B4GALNT3: variants seen among roughly 807,000 people sequenced by gnomAD.
B4GALNT3 encodes the protein beta-1,4-N-acetylgalactosaminyltransferase 3.
Under a neutral mutation model 120.2 loss-of-function variants are expected in B4GALNT3, and 86 were observed. That is an observed-to-expected ratio of 0.72 (90% CI 0.60 to 0.86). The LOEUF is 0.86. Among genes scored for constraint, B4GALNT3 ranks in the 40% least tolerant of loss-of-function variants. The pLI is 0.00. For missense variants in B4GALNT3, 1,167 were observed against 1,298.9 expected (o/e 0.90, Z 1.56); for synonymous variants, 518 against 510.4 (o/e 1.01, Z -0.20).
At chr12:495,780 T>G (rs1024096492) in intron 1 of B4GALNT3, among the ~76,000 whole-genome samples, 1 of 152,134 alleles carries the variant, frequency 6.6e-6, no homozygotes, top group African/African-American at 2.4e-5. Flanking sequence ...TTTAGAAAAG[T>G]ATCCCCATGA....
Position 516,753 on chromosome 12 carries a change from T to C in B4GALNT3, c.170-18413T>C, listed in dbSNP as rs576112558. Among the ~76,000 whole-genome samples the C allele has an allele frequency of 2.7e-4, 41 of 152,292 alleles. No homozygotes were observed. The East Asian group carries it at 7.7e-3, about 29-fold the overall frequency. On this transcript the variant is annotated intron_variant, in intron 1 of 19. Coordinates refer to ENST00000266383, the MANE Select transcript of B4GALNT3 (RefSeq NM_173593.4). ...CAAGCAAGGACTGGCATGGCCTGAC[T>C]TACATTTTGGTGGAGTTCCTCTGGC...
intron 1 of B4GALNT3, among the ~76,000 whole-genome samples, chr12:513,133 C>CACCTTCG (rs1309290018): frequency 6.7e-6 from 1 of 148,746 alleles, no homozygotes; most frequent in African/African-American, 2.5e-5. Context: ...TTCCGCCTTC[C>CACCTTCG]ACCTTCCACC....
rs1239084458 is a variant in B4GALNT3 at position 561,476 on chromosome 12, C to T, written c.*25C>T. 6.4e-7 allele frequency: 1 copy of T among 1,551,742 alleles called. No homozygotes were observed. Among genetic ancestry groups the T allele is most frequent in the African/African-American group, 1.4e-5 (1 of 73,872 alleles). On this transcript the variant is annotated 3_prime_UTR_variant, in exon 20 of 20. Coordinates refer to ENST00000266383, the MANE Select transcript of B4GALNT3 (RefSeq NM_173593.4). ...GCCGGAGGGTGTCCGCGGGGCCCAG[C>T]ACTCCCCGCTCTGGACTAGCAGTGG...
chr12:531,639 C>T (rs1020411415), intron 1 of B4GALNT3, among the ~76,000 whole-genome samples: 2 of 151,466 alleles, frequency 1.3e-5, no homozygotes, highest in African/African-American at 4.9e-5. Flanking sequence ...GATCCTGTCT[C>T]TTAAAAAAAG....
At chr12:552,687 T>C in intron 13 of B4GALNT3, 159 bp downstream of exon 13, 1 of 641,628 alleles carries the variant, frequency 1.6e-6, no homozygotes, top group Non-Finnish European at 2.7e-6. Flanking sequence ...AGAGCATGAC[T>C]CCTGCCTTTT....
chr12:539,421 G>C (rs1013461760), intron 3 of B4GALNT3, among the ~76,000 whole-genome samples: 1 of 151,878 alleles, frequency 6.6e-6, no homozygotes, highest in Non-Finnish European at 1.5e-5. Context: ...TCAGATCAAA[G>C]CAAGTGAGAT....
At position 545,724 on chromosome 12, in the gene B4GALNT3, TGTG is replaced by T. The variant is rs529860118; in HGVS notation, c.639+257_639+259del. The stretch of plus-strand genomic sequence containing the variant: ...GAGTGAGGAATGGGGAGGAGCGAGG[TGTG>T]GGGAGGAGCGAGGAGTGGGGAGGAG... On this transcript the variant is annotated intron_variant, in intron 6 of 19. Coordinates refer to ENST00000266383, the MANE Select transcript of B4GALNT3 (RefSeq NM_173593.4). 6.4e-3 allele frequency among the ~76,000 whole-genome samples: 180 copies of T among 28,032 alleles called. 2 individuals carry two copies. The Middle Eastern group carries it at 0.11, about 16-fold the overall frequency. 18.4% of individuals were successfully genotyped at this position (28,032 alleles called of 152,430 possible).
chr12:546,047 G>C (rs1178330463), intron 6 of B4GALNT3, among the ~76,000 whole-genome samples: 7 of 146,058 alleles, frequency 4.8e-5, no homozygotes, highest in African/African-American at 1.8e-4. Flanking sequence ...GTGAGGAGTA[G>C]GGAGGAGTGA....
At chr12:501,184 CT>C (rs1946440669) in intron 1 of B4GALNT3, among the ~76,000 whole-genome samples, 1 of 152,088 alleles carries the variant, frequency 6.6e-6, no homozygotes, top group Non-Finnish European at 1.5e-5. Context: ...CCACTTTTTA[CT>C]TGGCTAAGTA....
chr12:467,902 GTA>G (rs1348284778), intron 1 of B4GALNT3, among the ~76,000 whole-genome samples: 1 of 152,218 alleles, frequency 6.6e-6, no homozygotes, highest in Admixed American at 6.5e-5. Flanking sequence ...TATTGGTCAC[GTA>G]AGTTGCATAA....
Position 460,492 on chromosome 12 carries a change from T to A in B4GALNT3, c.116T>A (p.Leu39Gln). ...GTGGTGTCTGTGGGGCTCTGGACTCTGTATCTGGAACTGGTGGCGTCGGCC... is the reference window on the plus strand; with the variant it reads ...GTGGTGTCTGTGGGGCTCTGGACTCAGTATCTGGAACTGGTGGCGTCGGCC... ...LAVVSVGLWT[L>Q]YLELVASAQV... is the part of the protein sequence containing the mutation. The change falls in exon 1 of 20, where the codon CTG becomes CAG. Residue 39 changes from leucine (L) to glutamine (Q), a missense_variant. Transcript: ENST00000266383. The surrounding 1 kb of genome is among the most constrained non-coding windows in gnomAD (Gnocchi z 8.0). 1 of 1,585,760 alleles carries A rather than the reference T, an allele frequency of 6.3e-7. No homozygotes were observed. Among genetic ancestry groups the A allele is most frequent in the South Asian group, 1.1e-5 (1 of 87,294 alleles).
At chr12:539,754 T>C (rs1946896492) in intron 3 of B4GALNT3, among the ~76,000 whole-genome samples, 2 of 151,822 alleles carry the variant, frequency 1.3e-5, no homozygotes, top group African/African-American at 2.4e-5. Context: ...TTCCACTAAA[T>C]AGAAAAATGA....
intron 1 of B4GALNT3, among the ~76,000 whole-genome samples, chr12:463,050 A>G (rs145883039): frequency 3.2e-4 from 49 of 152,328 alleles, no homozygotes; most frequent in African/African-American, 1.1e-3. Flanking sequence ...CACAGCAACC[A>G]GAACCAGCTT....
At position 460,447 on chromosome 12, in the gene B4GALNT3, G is replaced by A; in HGVS notation, c.71G>A (p.Arg24Gln). 1 of 1,575,200 alleles carries A rather than the reference G, an allele frequency of 6.3e-7. No homozygotes were observed. The highest frequency in any genetic ancestry group is 1.2e-5 in the South Asian group (1 of 86,484). ...GTGAAGCTGCTGCGGAGGCGCTTCC[G>A]GCTGCTGCTGGCGCTCGCCGTGGTG... The part of the protein sequence containing the change: ...RPVKLLRRRF[R>Q]LLLALAVVSV... Residue 24 changes from arginine (R) to glutamine (Q), a missense_variant, in exon 1 of 20, where the codon CGG becomes CAG. Around this residue, in one of 3 missense-constraint regions of B4GALNT3, gnomAD observed 171 missense variants for 161.3 expected, o/e 1.06. Transcript: ENST00000266383. This position sits in a 1 kb window ranked among gnomAD's most constrained non-coding sequence, Gnocchi z 8.0.
At position 460,303 on chromosome 12, in the gene B4GALNT3, G is replaced by T; in HGVS notation, c.-74G>T. On this transcript the variant is annotated 5_prime_UTR_variant, in exon 1 of 20. Coordinates refer to ENST00000266383, the MANE Select transcript of B4GALNT3 (RefSeq NM_173593.4). This position sits in a 1 kb window ranked among gnomAD's most constrained non-coding sequence, Gnocchi z 8.0. The stretch of plus-strand genomic sequence containing the variant: ...GGCCGGGACGCGGGGCGCCCTGGGC[G>T]CGGGGCCCGGCCGGGGGGCGGCGGC... 7.3e-6 allele frequency: 7 copies of T among 959,064 alleles called. No homozygotes were observed. The highest frequency in any genetic ancestry group is 4.7e-5 in the South Asian group (1 of 21,290). The allele number at this position is 959,064 out of a possible 1,614,324, so 59.4% of individuals were successfully genotyped here. A position where few individuals can be genotyped will look rare whatever the true frequency, so the allele number is the denominator to read the frequency against.
intron 1 of B4GALNT3, among the ~76,000 whole-genome samples, chr12:486,887 CCAGA>C (rs1487750554): frequency 6.6e-6 from 1 of 151,968 alleles, no homozygotes; most frequent in Non-Finnish European, 1.5e-5. Context: ...GTTAGAGAGG[CCAGA>C]CATTTTTTTA....
intron 1 of B4GALNT3, among the ~76,000 whole-genome samples, chr12:489,180 G>A (rs1289091700): frequency 2.1e-5 from 2 of 93,632 alleles, no homozygotes; most frequent in East Asian, 3.7e-4. Flanking sequence ...GGGTGGGGGG[G>A]CAAGGGGAGG....
Position 559,513 on chromosome 12 carries a change from C to T in B4GALNT3, c.2888+92C>T, listed in dbSNP as rs539380104. ...GCTACAGCAGCCTAGCTGTCCCCCT[C>T]GGCCGCAGAGTCCCAAAGCACAGTA... On this transcript the variant is annotated intron_variant, in intron 19 of 19. Coordinates refer to ENST00000266383, the MANE Select transcript of B4GALNT3 (RefSeq NM_173593.4). 3.1e-4 allele frequency: 482 copies of T among 1,553,904 alleles called. 2 individuals are homozygous for T. Among genetic ancestry groups the T allele is most frequent in the South Asian group, 9.2e-4 (78 of 84,728 alleles).
In B4GALNT3 at chr12:544,905, T is replaced by G; in HGVS notation, c.471T>G (p.Leu157=). The change falls in exon 5 of 20, where the codon CTT becomes CTG. Residue 157 remains leucine, a synonymous_variant. Transcript: ENST00000266383. The stretch of plus-strand genomic sequence containing the variant: ...AGATTCGCACAACCCTGAGGAAGCT[T>G]GCTGTGTCCCCCAAATGGACCAACT... ...YPHIRTTLRK[L]AVSPKWTNYG... 6.2e-7 allele frequency: 1 copy of G among 1,614,032 alleles called. No homozygotes were observed.
Sources: allele counts gnomAD v4.1 joint callset (sites outside exome capture counted in the v4.1 genomes callset), GRCh38; gene constraint gnomAD v4.1.1; regional missense constraint gnomAD v4.1.1; non-coding constraint Gnocchi (gnomAD v3.1); transcripts MANE v1.5; gene names NCBI Gene and HGNC (gene_info 2026-07-23, HGNC 2026-07-21).